PEBP4: variants seen among roughly 807,000 people sequenced by gnomAD.
PEBP4 encodes phosphatidylethanolamine binding protein 4.
A neutral mutation model predicts 23.9 loss-of-function variants in PEBP4; 22 were observed. That is an observed-to-expected ratio of 0.92 (90% CI 0.66 to 1.31). The LOEUF (loss-of-function observed/expected upper bound fraction) is 1.31. PEBP4 is among the 40% of genes most tolerant of loss of function. The probability of loss-of-function intolerance (pLI) is 0.00; values close to 1 mark genes in which losing one functional copy is unlikely to be tolerated. For synonymous variants in PEBP4, 112 were observed against 99.3 expected (o/e 1.13, Z -0.76); for missense variants, 324 against 281.7 (o/e 1.15, Z -1.07).
intron 4 of PEBP4, among the ~76,000 whole-genome samples, chr8:22,808,731 T>C (rs545238810): frequency 1.3e-5 from 2 of 152,354 alleles, no homozygotes; most frequent in African/African-American, 4.8e-5. Flanking sequence ...TGGAGTTGAC[T>C]AAACCATTGA....
chr8:22,724,438 C>G (rs1168211851), intron 6 of PEBP4, among the ~76,000 whole-genome samples: 1 of 152,228 alleles, frequency 6.6e-6, no homozygotes, highest in Non-Finnish European at 1.5e-5. Context: ...GATAGACTGG[C>G]AGGGTGGCAT....
chr8:22,790,293 C>T (rs1269449248), intron 4 of PEBP4, among the ~76,000 whole-genome samples: 1 of 152,136 alleles, frequency 6.6e-6, no homozygotes, highest in Non-Finnish European at 1.5e-5. Flanking sequence ...GGTCACAGTC[C>T]AGAGTGGGGG....
At chr8:22,720,722 AG>A (rs11299788) in intron 6 of PEBP4, among the ~76,000 whole-genome samples, 5,737 of 152,250 alleles carry the variant, frequency 0.038, 138 homozygotes, top group Admixed American at 0.045. Flanking sequence ...TTTAGATTTC[AG>A]GGGTCTCTCT....
chr8:22,817,784 A>T, intron 3 of PEBP4, 49 bp from the exon 4 acceptor site: 1 of 1,546,204 alleles, frequency 6.5e-7, no homozygotes, highest in East Asian at 2.2e-5. Context: ...CTGAAATAGG[A>T]AAATACCACG....
chr8:22,847,879 T>A (rs890709101), intron 3 of PEBP4, among the ~76,000 whole-genome samples: 1 of 152,138 alleles, frequency 6.6e-6, no homozygotes, highest in Non-Finnish European at 1.5e-5. Context: ...GCTCAGAACC[T>A]GAGCCTGCCA....
intron 3 of PEBP4, among the ~76,000 whole-genome samples, chr8:22,863,281 C>T (rs553445612): frequency 6.6e-6 from 1 of 152,284 alleles, no homozygotes; most frequent in East Asian, 1.9e-4. Context: ...TGCTCCCTTC[C>T]TCTCTGTGTG....
chr8:22,786,843 C>T (rs1377371173), intron 4 of PEBP4, among the ~76,000 whole-genome samples: 1 of 149,454 alleles, frequency 6.7e-6, no homozygotes, highest in Non-Finnish European at 1.5e-5. Context: ...TTTTTTGAGA[C>T]AGGGTCTTGC....
chr8:22,882,935 C>T (rs1260384650), intron 3 of PEBP4, among the ~76,000 whole-genome samples: 4 of 152,210 alleles, frequency 2.6e-5, no homozygotes, highest in Non-Finnish European at 5.9e-5. Flanking sequence ...CCTGTTCCTC[C>T]CACGATGAAG....
chr8:22,843,786 G>C (rs1404973993), intron 3 of PEBP4, among the ~76,000 whole-genome samples: 1 of 152,156 alleles, frequency 6.6e-6, no homozygotes, highest in East Asian at 1.9e-4. Flanking sequence ...TGGGAAGCTC[G>C]AAGAGCCTGG....
intron 4 of PEBP4, among the ~76,000 whole-genome samples, chr8:22,807,742 T>A (rs1011041644): frequency 2.6e-5 from 4 of 152,154 alleles, no homozygotes; most frequent in African/African-American, 9.7e-5. Flanking sequence ...TGTGAAGTCA[T>A]CACAGAGTGA....
intron 4 of PEBP4, chr8:22,757,134 A>C (rs1805400255): frequency 6.6e-6 from 1 of 152,262 alleles, no homozygotes; most frequent in Admixed American, 6.5e-5. Flanking sequence ...ACCATATGCC[A>C]GGGTTCATCT....
intron 4 of PEBP4, among the ~76,000 whole-genome samples, chr8:22,785,285 C>G (rs1806005927): frequency 1.3e-5 from 2 of 152,222 alleles, no homozygotes. Flanking sequence ...ACCAAGGATA[C>G]TAGAACCGGA....
chr8:22,816,993 G>GC (rs1357611883), intron 4 of PEBP4, among the ~76,000 whole-genome samples: 9 of 152,300 alleles, frequency 5.9e-5, no homozygotes, highest in Non-Finnish European at 2.9e-5. Flanking sequence ...AACTTGTTTG[G>GC]CAACACAGCC....
chr8:22,867,041 G>A (rs1370232723), intron 3 of PEBP4, among the ~76,000 whole-genome samples: 2 of 152,176 alleles, frequency 1.3e-5, no homozygotes, highest in African/African-American at 2.4e-5. Flanking sequence ...ACGAAGAGGG[G>A]AAAGGGTGCA....
chr8:22,902,994 G>A (rs1808740762), intron 3 of PEBP4, among the ~76,000 whole-genome samples: 1 of 152,104 alleles, frequency 6.6e-6, no homozygotes, highest in Non-Finnish European at 1.5e-5. Context: ...TACACCGTAG[G>A]GACCTCATAA....
intron 4 of PEBP4, among the ~76,000 whole-genome samples, chr8:22,778,296 T>C (rs1041239662): frequency 1.2e-4 from 19 of 152,082 alleles, no homozygotes; most frequent in African/African-American, 4.3e-4. Context: ...GACAGATCCA[T>C]GTGCTTCCAT....
intron 3 of PEBP4, among the ~76,000 whole-genome samples, chr8:22,913,985 CTTTTTT>C (rs1165242168): frequency 1.6e-5 from 2 of 123,116 alleles, no homozygotes; most frequent in Non-Finnish European, 1.7e-5. Flanking sequence ...GGCCTGGCTA[CTTTTTT>C]TTTTTTTTTT....
intron 2 of PEBP4, among the ~76,000 whole-genome samples, chr8:22,920,866 T>G (rs1809184243): frequency 6.6e-6 from 1 of 152,224 alleles, no homozygotes; most frequent in Non-Finnish European, 1.5e-5. Flanking sequence ...GGTTAAGCAT[T>G]GACTGTAGCC....
chr8:22,794,170 A>G (rs762785461), intron 4 of PEBP4, among the ~76,000 whole-genome samples: 2 of 152,090 alleles, frequency 1.3e-5, no homozygotes, highest in African/African-American at 2.4e-5. Context: ...GTATTTTTCT[A>G]TTGGTCAAAA....
Sources: allele counts gnomAD v4.1 joint callset (sites outside exome capture counted in the v4.1 genomes callset), GRCh38; gene constraint gnomAD v4.1.1; transcripts MANE v1.5; gene names NCBI Gene and HGNC (gene_info 2026-07-23, HGNC 2026-07-21).